GRB14: variants seen among roughly 807,000 people sequenced by gnomAD.
The protein encoded by GRB14 is growth factor receptor-bound protein 14.
A neutral mutation model predicts 69.1 loss-of-function variants in GRB14; 38 were observed. The ratio of observed to expected loss-of-function variants is 0.55; its 90% CI spans 0.42 to 0.72. GRB14 has a LOEUF of 0.72. GRB14 is among the 30% of genes least tolerant of loss of function. The pLI, the probability that GRB14 is intolerant of heterozygous loss-of-function variation, is 0.00. For synonymous variants in GRB14, 247 were observed against 241.3 expected (o/e 1.02, Z -0.22); for missense variants, 666 against 666.1 (o/e 1.00, Z 0.00).
chr2:164,578,520 G>GTGCACA (rs1553515709), intron 2 of GRB14, among the ~76,000 whole-genome samples: 4 of 81,274 alleles, frequency 4.9e-5, no homozygotes, highest in East Asian at 2.8e-4. Context: ...GACAATTCGC[G>GTGCACA]CGCACACACA....
intron 3 of GRB14, among the ~76,000 whole-genome samples, chr2:164,547,455 G>A (rs866904826): frequency 3.9e-5 from 6 of 152,050 alleles, no homozygotes; most frequent in African/African-American, 1.5e-4. Context: ...AATGGATCAA[G>A]CAGAGGAAAA....
At chr2:164,511,166 T>C (rs1298390326) in intron 6 of GRB14, among the ~76,000 whole-genome samples, 5 of 152,058 alleles carry the variant, frequency 3.3e-5, no homozygotes, top group African/African-American at 1.2e-4. Context: ...TAAATAGACA[T>C]GAAAGGCAGT....
chr2:164,561,967 C>A (rs1688840220), intron 2 of GRB14, among the ~76,000 whole-genome samples: 1 of 151,916 alleles, frequency 6.6e-6, no homozygotes, highest in Admixed American at 6.6e-5. Context: ...AGAAACTTGG[C>A]AAAAATTAAA....
intron 2 of GRB14, among the ~76,000 whole-genome samples, chr2:164,616,995 C>T (rs1356210908): frequency 6.6e-6 from 1 of 152,158 alleles, no homozygotes; most frequent in Non-Finnish European, 1.5e-5. Flanking sequence ...AGTTGGGGGA[C>T]TCACTTACAT....
intron 2 of GRB14, among the ~76,000 whole-genome samples, chr2:164,601,581 T>C (rs1396652915): frequency 6.6e-6 from 1 of 152,196 alleles, no homozygotes; most frequent in Non-Finnish European, 1.5e-5. Context: ...ATAATCTGTA[T>C]ATTTAACCCT....
chr2:164,516,877 A>C (rs1295308144), intron 6 of GRB14, among the ~76,000 whole-genome samples: 1 of 152,024 alleles, frequency 6.6e-6, no homozygotes, highest in Non-Finnish European at 1.5e-5. Context: ...TACATAAATT[A>C]CCCTGGCATG....
At chr2:164,592,969 G>C (rs1309598275) in intron 2 of GRB14, among the ~76,000 whole-genome samples, 1 of 152,060 alleles carries the variant, frequency 6.6e-6, no homozygotes, top group East Asian at 1.9e-4. Flanking sequence ...ACATGTAGTT[G>C]CAAGTGTGCA....
At chr2:164,560,659 T>C (rs1340209242) in intron 2 of GRB14, among the ~76,000 whole-genome samples, 1 of 152,054 alleles carries the variant, frequency 6.6e-6, no homozygotes, top group African/African-American at 2.4e-5. Flanking sequence ...AAACTTGGAG[T>C]TTTCGCTGGG....
chr2:164,541,420 C>G (rs1688237049), intron 3 of GRB14, among the ~76,000 whole-genome samples: 1 of 151,528 alleles, frequency 6.6e-6, no homozygotes, highest in Admixed American at 6.6e-5. Flanking sequence ...TGCAGTGAGC[C>G]AAGATTGCGC....
intron 8 of GRB14, among the ~76,000 whole-genome samples, chr2:164,507,266 AG>A (rs1333348406): frequency 5.3e-5 from 8 of 152,188 alleles, no homozygotes; most frequent in Non-Finnish European, 1.2e-4. Context: ...CAAAGGCAGA[AG>A]AAAAAAAGTA....
chr2:164,508,288 G>A (rs1267666430), intron 8 of GRB14, among the ~76,000 whole-genome samples, 167 bp downstream of exon 8: 2 of 152,144 alleles, frequency 1.3e-5, no homozygotes, highest in Non-Finnish European at 1.5e-5. Flanking sequence ...ACTCTACTCC[G>A]AAAATGTTTA....
chr2:164,590,427 TC>T (rs1018659437), intron 2 of GRB14, among the ~76,000 whole-genome samples: 11 of 152,170 alleles, frequency 7.2e-5, no homozygotes, highest in African/African-American at 2.7e-4. Flanking sequence ...TAAAGTTATC[TC>T]CCAGTGAGTA....
chr2:164,555,543 T>C (rs1688657106), intron 2 of GRB14, among the ~76,000 whole-genome samples: 1 of 151,918 alleles, frequency 6.6e-6, no homozygotes, highest in Admixed American at 6.6e-5. Context: ...GTGTCAAAGT[T>C]TCTATTTTAG....
chr2:164,499,434 T>C (rs34581642), intron 9 of GRB14, among the ~76,000 whole-genome samples: 14,932 of 152,130 alleles, frequency 0.098, 1,067 homozygotes, highest in East Asian at 0.33. Context: ...TAGTTTACCA[T>C]TGGTGGACAA....
At chr2:164,505,146 TG>T (rs1226353082) in intron 8 of GRB14, among the ~76,000 whole-genome samples, 2 of 152,306 alleles carry the variant, frequency 1.3e-5, no homozygotes, top group East Asian at 3.9e-4. Context: ...GTCACTACCC[TG>T]GTGGTAATTT....
chr2:164,620,378 TTTTTCAAGCGC>T (rs957842917), intron 1 of GRB14, among the ~76,000 whole-genome samples: 51 of 152,138 alleles, frequency 3.4e-4, no homozygotes, highest in African/African-American at 1.2e-3. Flanking sequence ...AGTCTGTTGA[TTTTTCAAGCGC>T]TTATAGATAT....
At chr2:164,563,180 T>C (rs10172080) in intron 2 of GRB14, among the ~76,000 whole-genome samples, 2,927 of 152,254 alleles carry the variant, frequency 0.019, 73 homozygotes, top group African/African-American at 0.067. Context: ...CTTATTACCA[T>C]ACCTACAATC....
At chr2:164,619,960 C>G (rs1690407674) in intron 1 of GRB14, 141 bp from the exon 2 acceptor site, 1 of 624,304 alleles carries the variant, frequency 1.6e-6, no homozygotes, top group African/African-American at 1.9e-5. Context: ...TAGAAAAGGT[C>G]TGTGATGTAC....
intron 2 of GRB14, among the ~76,000 whole-genome samples, chr2:164,561,062 C>T (rs540131781): frequency 4.6e-5 from 7 of 152,158 alleles, no homozygotes; most frequent in African/African-American, 1.7e-4. Flanking sequence ...ACAGACCGCC[C>T]CAAGCAGTAG....
Sources: gnomAD v4.1 joint callset for allele counts (sites outside exome capture counted in the v4.1 genomes callset) on GRCh38, gnomAD v4.1.1 for gene constraint, MANE v1.5 for transcripts, NCBI Gene and HGNC (gene_info 2026-07-23, HGNC 2026-07-21) for gene names.